The following BTNL8 variants were observed in gnomAD, a reference collection of about 807,000 sequenced individuals.
BTNL8 encodes butyrophilin-like protein 8.
In BTNL8, 22 loss-of-function variants were observed where a neutral mutation model predicts 36.1. The ratio of observed to expected loss-of-function variants is 0.61; its 90% CI spans 0.44 to 0.87. The LOEUF is 0.87. Among genes scored for constraint, BTNL8 ranks in the 40% least tolerant of loss-of-function variants. The pLI is 0.00. For synonymous variants in BTNL8, 203 were observed against 235.6 expected (o/e 0.86, Z 1.27); for missense variants, 526 against 616.9 (o/e 0.85, Z 1.56).
intron 3 of BTNL8, among the ~76,000 whole-genome samples, chr5:180,939,591 C>A (rs1304538511): frequency 1.3e-5 from 2 of 152,036 alleles, no homozygotes; most frequent in Non-Finnish European, 2.9e-5. Flanking sequence ...AAAGGTAGAT[C>A]CCAATACATT....
chr5:180,909,716 T>TG lies in BTNL8; in HGVS notation c.397+783_397+784insG, dbSNP rs1554141671. 400 of 187,886 alleles carry TG rather than the reference T, an allele frequency of 2.1e-3. 2 individuals are homozygous for TG. The highest frequency in any genetic ancestry group is 0.01 in the African/African-American group (369 of 36,428). The allele number at this position is 187,886 out of a possible 1,614,324, so 11.6% of individuals were successfully genotyped here. A position where few individuals can be genotyped will look rare whatever the true frequency, so the allele number is the denominator to read the frequency against. The stretch of plus-strand genomic sequence containing the variant: ...GCATATGGTAAGACCTCATCTCTAT[T>TG]AAAAAAAAAAAAAAAAGAAGATGAA... On this transcript the variant is annotated intron_variant, in intron 2 of 7. Transcript: ENST00000340184.
At chr5:180,911,017 G>T (rs909488030) in intron 2 of BTNL8, among the ~76,000 whole-genome samples, 1 of 152,158 alleles carries the variant, frequency 6.6e-6, no homozygotes. Flanking sequence ...TCGGGTCATC[G>T]TTCCTTTGGT....
intron 3 of BTNL8, among the ~76,000 whole-genome samples, chr5:180,946,545 T>C (rs763284193): frequency 6.6e-6 from 1 of 152,156 alleles, no homozygotes; most frequent in Non-Finnish European, 1.5e-5. Context: ...ATCTGATATA[T>C]GTCAAAGCTA....
intron 3 of BTNL8, among the ~76,000 whole-genome samples, chr5:180,937,841 A>T (rs1174839372): frequency 6.6e-6 from 1 of 152,190 alleles, no homozygotes; most frequent in Non-Finnish European, 1.5e-5. Context: ...TCTTAAGAAC[A>T]CTTAGTGAGA....
chr5:180,947,644 C>G lies in BTNL8; in HGVS notation c.787+19C>G. ...TTCCAGTGTAAGCGAGAGAGAGAAG[C>G]ATGGGCCGGTGCCTTATTCATGGTT... On this transcript the variant is annotated intron_variant, in intron 4 of 7. Transcript: ENST00000340184. 6.2e-7 allele frequency: 1 copy of G among 1,614,190 alleles called. No individual in the cohort carries two copies. Among genetic ancestry groups the G allele is most frequent in the Non-Finnish European group, 8.5e-7 (1 of 1,180,034 alleles).
intron 3 of BTNL8, among the ~76,000 whole-genome samples, chr5:180,932,825 A>T (rs1758461981): frequency 6.6e-6 from 1 of 152,218 alleles, no homozygotes; most frequent in African/African-American, 2.4e-5. Flanking sequence ...GGAAGTCTGT[A>T]CCTATAAATA....
chr5:180,919,103 C>T (rs2113801563), intron 3 of BTNL8, among the ~76,000 whole-genome samples: 1 of 152,280 alleles, frequency 6.6e-6, no homozygotes, highest in Admixed American at 6.5e-5. Context: ...CAAAATATGT[C>T]AAAGAAATAT....
Position 180,948,096 on chromosome 5 carries a change from G to A in BTNL8, c.788-259G>A, listed in dbSNP as rs544283896. The A allele has an allele frequency of 2.1e-5, 13 of 618,470 alleles. No homozygotes were observed. In the East Asian group the frequency reaches 3.4e-4, roughly 16 times the overall value. 38.3% of individuals were successfully genotyped at this position (618,470 alleles called of 1,614,324 possible). ...GCCACCCCCGCCTCCCCTCCCAGCTGCCTTCTCCCATCTCCATCCCCACCT... is the reference window on the plus strand; with the variant it reads ...GCCACCCCCGCCTCCCCTCCCAGCTACCTTCTCCCATCTCCATCCCCACCT... On this transcript the variant is annotated intron_variant, in intron 4 of 7. Coordinates refer to ENST00000340184, the MANE Select transcript of BTNL8 (RefSeq NM_001040462.3).
intron 3 of BTNL8, among the ~76,000 whole-genome samples, chr5:180,923,931 C>T (rs1757983611): frequency 6.6e-6 from 1 of 152,132 alleles, no homozygotes; most frequent in Admixed American, 6.5e-5. Context: ...TATTTTTATA[C>T]TCTTATTAAG....
intron 3 of BTNL8, among the ~76,000 whole-genome samples, chr5:180,913,706 A>C (rs1757505020): frequency 6.6e-6 from 1 of 152,218 alleles, no homozygotes; most frequent in African/African-American, 2.4e-5. Flanking sequence ...ACAGAGAGTG[A>C]CAGGTGGGCA....
At chr5:180,946,373 A>G (rs1378107178) in intron 3 of BTNL8, among the ~76,000 whole-genome samples, 1 of 152,226 alleles carries the variant, frequency 6.6e-6, no homozygotes, top group Non-Finnish European at 1.5e-5. Flanking sequence ...TCCATCATTC[A>G]GATGAATGGA....
At chr5:180,949,798 C>T in intron 7 of BTNL8, 106 bp from the exon 8 acceptor site, 5 of 1,351,142 alleles carry the variant, frequency 3.7e-6, no homozygotes, top group East Asian at 2.5e-5. Context: ...CGGGGCCTCA[C>T]CTATGCCACC....
At chr5:180,914,111 T>C (rs1013264579) in intron 3 of BTNL8, among the ~76,000 whole-genome samples, 43 of 152,216 alleles carry the variant, frequency 2.8e-4, no homozygotes, top group African/African-American at 9.7e-4. Context: ...CCAAAATTCA[T>C]GTTGAAACGA....
At position 180,949,721 on chromosome 5, in the gene BTNL8, A is replaced by G. The variant is rs1174880850; in HGVS notation, c.863-183A>G. The stretch of plus-strand genomic sequence containing the variant: ...CATATTGAGACATATCTAGACATTG[A>G]TGAGTCCTCCAGGCTGCACTGGTGA... On this transcript the variant is annotated intron_variant, in intron 7 of 7. Coordinates refer to ENST00000340184, the MANE Select transcript of BTNL8 (RefSeq NM_001040462.3). 2.7e-5 allele frequency: 20 copies of G among 740,492 alleles called. 3 individuals are homozygous for G. Among genetic ancestry groups the G allele is most frequent in the Middle Eastern group, 3.8e-4 (1 of 2,622 alleles). 45.9% of individuals were successfully genotyped at this position (740,492 alleles called of 1,614,324 possible).
chr5:180,937,952 AAG>A (rs1554144975), intron 3 of BTNL8, among the ~76,000 whole-genome samples: 143 of 151,852 alleles, frequency 9.4e-4, no homozygotes, highest in African/African-American at 3.4e-3. Context: ...TAAAAAAAAA[AAG>A]AAATATTCAA....
rs751610961 is a variant in BTNL8, at chr5:180,911,627, G to A, written c.673+13G>A. The A allele has an allele frequency of 6.3e-7, 1 of 1,593,230 alleles. No homozygotes were observed. The highest frequency in any genetic ancestry group is 1.1e-5 in the South Asian group (1 of 89,868). ...GTACAGATAGGAGGTGAGTAGGGAG[G>A]GGAGGAGAAGAGAAGGAGGGGTGGA... On this transcript the variant is annotated intron_variant, in intron 3 of 7. Coordinates refer to ENST00000340184, the MANE Select transcript of BTNL8 (RefSeq NM_001040462.3).
Position 180,907,831 on chromosome 5 carries a change from G to A in BTNL8, c.50-755G>A, listed in dbSNP as rs569613308. 2.2e-3 allele frequency among the ~76,000 whole-genome samples: 334 copies of A among 150,990 alleles called. 3 individuals are homozygous for A. Among genetic ancestry groups the A allele is most frequent in the African/African-American group, 7.4e-3 (302 of 40,812 alleles). On this transcript the variant is annotated intron_variant, in intron 1 of 7. Transcript: ENST00000340184. ...GGGGTGCCTCCCAGTTAGGCTGCTC[G>A]GGGGTCAGGGGTCAGGGACTCACTT...
At chr5:180,923,147 A>G (rs1414885649) in intron 3 of BTNL8, among the ~76,000 whole-genome samples, 1 of 152,118 alleles carries the variant, frequency 6.6e-6, no homozygotes, top group African/African-American at 2.4e-5. Context: ...CCAGCTTGCC[A>G]CTCTGTGCCT....
At chr5:180,924,271 T>C (rs1757996716) in intron 3 of BTNL8, among the ~76,000 whole-genome samples, 1 of 152,170 alleles carries the variant, frequency 6.6e-6, no homozygotes, top group African/African-American at 2.4e-5. Context: ...ACCATTGGTG[T>C]TCTGCTTAAG....
Sources: allele counts gnomAD v4.1 joint callset (sites outside exome capture counted in the v4.1 genomes callset), GRCh38; gene constraint gnomAD v4.1.1; transcripts MANE v1.5; gene names NCBI Gene and HGNC (gene_info 2026-07-23, HGNC 2026-07-21).